The following LRRC7 variants were observed in gnomAD, a reference collection of about 807,000 sequenced individuals.
The protein encoded by LRRC7 is leucine-rich repeat-containing protein 7.
Under a neutral mutation model 175.7 loss-of-function variants are expected in LRRC7, and 23 were observed. The observed-to-expected ratio is 0.13, with a 90% confidence interval of 0.09 to 0.19. The LOEUF is 0.19. LRRC7 is among the 10% of genes least tolerant of loss of function. The pLI is 1.00. For synonymous variants in LRRC7, 685 were observed against 680.9 expected (o/e 1.01, Z -0.09); for missense variants, 1,354 against 1,904.7 (o/e 0.71, Z 5.38).
chr1:69,611,767 T>TA (rs538977663), intron 1 of LRRC7, among the ~76,000 whole-genome samples: 178 of 151,874 alleles, frequency 1.2e-3, no homozygotes, highest in African/African-American at 4.0e-3. Context: ...GAATCTCCAA[T>TA]AAAAAAAGCA....
chr1:69,685,175 G>A (rs1660986706), intron 2 of LRRC7, among the ~76,000 whole-genome samples: 1 of 152,128 alleles, frequency 6.6e-6, no homozygotes, highest in South Asian at 2.1e-4. Context: ...TAAAAAATCA[G>A]AACACTAACT....
chr1:69,775,836 AG>A (rs1227215142), intron 3 of LRRC7, among the ~76,000 whole-genome samples: 1 of 152,228 alleles, frequency 6.6e-6, no homozygotes, highest in Admixed American at 6.5e-5. Flanking sequence ...GTGGCAGAAA[AG>A]TTTAAGAGAC....
At chr1:69,961,963 G>A (rs1396182962) in intron 8 of LRRC7, among the ~76,000 whole-genome samples, 1 of 151,880 alleles carries the variant, frequency 6.6e-6, no homozygotes, top group Non-Finnish European at 1.5e-5. Context: ...ACAACCAGTT[G>A]CAAAAAAAAG....
At chr1:70,034,158 TA>T (rs758939855) in intron 18 of LRRC7, among the ~76,000 whole-genome samples, 5 of 152,146 alleles carry the variant, frequency 3.3e-5, no homozygotes, top group Non-Finnish European at 7.4e-5. Flanking sequence ...CCTTTCAGGG[TA>T]CTGTTTCTCA....
In LRRC7 at chr1:69,850,940, A is replaced by C. The variant is rs142291060; in HGVS notation, c.647+12657A>C. Among the ~76,000 whole-genome samples the C allele has an allele frequency of 3.3e-5, 5 of 152,238 alleles. No homozygotes were observed. The East Asian group carries it at 9.7e-4, about 29-fold the overall frequency. ...GAAGTTATTGAGGGAGAGAACACAA[A>C]TAGAGAAGAGATGAGGAGCCAGATT... On this transcript the variant is annotated intron_variant, in intron 7 of 26. Transcript: ENST00000651989.
At chr1:69,672,914 C>T (rs1659283280) in intron 1 of LRRC7, among the ~76,000 whole-genome samples, 1 of 152,170 alleles carries the variant, frequency 6.6e-6, no homozygotes, top group African/African-American at 2.4e-5. Context: ...CTCCAGGCAA[C>T]TTGGCAAGCC....
intron 1 of LRRC7, among the ~76,000 whole-genome samples, chr1:69,629,907 C>CA (rs751231432): frequency 1.1e-4 from 17 of 152,140 alleles, no homozygotes; most frequent in Non-Finnish European, 2.4e-4. Flanking sequence ...TTTCAACTCT[C>CA]AACAGCTGAG....
intron 6 of LRRC7, among the ~76,000 whole-genome samples, chr1:69,837,437 C>A (rs1039584726): frequency 6.6e-6 from 1 of 151,792 alleles, no homozygotes; most frequent in Non-Finnish European, 1.5e-5. Context: ...ACTGCTGTCA[C>A]AGATTTATGG....
At chr1:69,924,161 T>C (rs1329995961) in intron 7 of LRRC7, among the ~76,000 whole-genome samples, 2 of 152,150 alleles carry the variant, frequency 1.3e-5, no homozygotes, top group Non-Finnish European at 2.9e-5. Context: ...CATTGATCTA[T>C]ATCTCTGTTT....
At chr1:69,754,980 CTG>C (rs1670247830) in intron 2 of LRRC7, among the ~76,000 whole-genome samples, 3 of 151,888 alleles carry the variant, frequency 2.0e-5, no homozygotes, top group African/African-American at 4.8e-5. Context: ...AATTCTAACA[CTG>C]TAACTCTCAG....
chr1:69,586,484 TG>T (rs1646407651), intron 1 of LRRC7, among the ~76,000 whole-genome samples: 1 of 151,858 alleles, frequency 6.6e-6, no homozygotes, highest in Non-Finnish European at 1.5e-5. Context: ...AACTGTGAGT[TG>T]GGGAGATTTT....
At chr1:69,960,299 T>G (rs1009654301) in intron 8 of LRRC7, among the ~76,000 whole-genome samples, 1 of 152,150 alleles carries the variant, frequency 6.6e-6, no homozygotes, top group Non-Finnish European at 1.5e-5. Context: ...CTGATGGTTG[T>G]TTGTATTTCT....
intron 11 of LRRC7, among the ~76,000 whole-genome samples, chr1:70,002,293 A>C (rs1206323817): frequency 6.6e-6 from 1 of 152,212 alleles, no homozygotes; most frequent in Non-Finnish European, 1.5e-5. Context: ...CTCTATGGGC[A>C]TCAGAATCCT....
At chr1:69,988,503 T>C (rs12024182) in intron 10 of LRRC7, among the ~76,000 whole-genome samples, 9,426 of 152,246 alleles carry the variant, frequency 0.062, 285 homozygotes, top group South Asian at 0.11. Flanking sequence ...CAGCAATATC[T>C]CCAGGCCTGA....
At chr1:69,991,714 T>C (rs1654457974) in intron 10 of LRRC7, among the ~76,000 whole-genome samples, 2 of 152,158 alleles carry the variant, frequency 1.3e-5, no homozygotes, top group Non-Finnish European at 2.9e-5. Context: ...AGAATCTTCA[T>C]AGTATTAATA....
chr1:69,756,506 A>T (rs1670446252), intron 2 of LRRC7, among the ~76,000 whole-genome samples: 2 of 151,964 alleles, frequency 1.3e-5, no homozygotes, highest in South Asian at 4.1e-4. Context: ...TAAAATTTTA[A>T]AACTTTCCGG....
Position 70,039,651 on chromosome 1 carries a change from G to T in LRRC7, c.3827G>T (p.Gly1276Val), listed in dbSNP as rs1659689166. Reference sequence around the variant, plus strand: ...AAAATACCATCTGACTATAACTTGGGTAACTATGGTGACAAGCCATCAGAT... The same window carrying T: ...AAAATACCATCTGACTATAACTTGGTTAACTATGGTGACAAGCCATCAGAT... Reference protein sequence around the residue: ...LEKIPSDYNLGNYGDKPSDNS... With the variant: ...LEKIPSDYNLVNYGDKPSDNS... Residue 1276 changes from glycine to valine, a missense_variant, in exon 21 of 27, where the codon GGT (glycine) becomes GTT (valine). Around this residue, in one of 4 missense-constraint regions of LRRC7, gnomAD observed 1,032 missense variants for 1,227.2 expected, o/e 0.84. Coordinates refer to ENST00000651989, the MANE Select transcript of LRRC7 (RefSeq NM_001370785.2). The T allele has an allele frequency of 4.3e-6, 7 of 1,614,102 alleles. No individual in the cohort carries two copies. Among genetic ancestry groups the T allele is most frequent in the Non-Finnish European group, 5.9e-6 (7 of 1,180,012 alleles).
chr1:70,011,480 C>G (rs1480310857), intron 11 of LRRC7, among the ~76,000 whole-genome samples: 1 of 152,114 alleles, frequency 6.6e-6, no homozygotes, highest in African/African-American at 2.4e-5. Flanking sequence ...TATAGTCACT[C>G]ATTCCAAGGA....
At chr1:69,748,409 A>G (rs921681180) in intron 2 of LRRC7, among the ~76,000 whole-genome samples, 4 of 152,146 alleles carry the variant, frequency 2.6e-5, no homozygotes, top group Non-Finnish European at 5.9e-5. Context: ...TGAGACAACT[A>G]CATAGAAAAT....
Sources: gnomAD v4.1 joint callset for allele counts (sites outside exome capture counted in the v4.1 genomes callset) on GRCh38, gnomAD v4.1.1 for gene constraint, gnomAD v4.1.1 regional missense constraint, MANE v1.5 for transcripts, NCBI Gene and HGNC (gene_info 2026-07-23, HGNC 2026-07-21) for gene names.